SLC67A1: variants seen among roughly 807,000 people sequenced by gnomAD.
SLC67A1 encodes solute carrier family 67 member 1, also known as solute carrier family 67 member A1.
chr11:2,909,544 C>T, the SLC67A1 span: 4 of 1,512,250 alleles, frequency 2.6e-6, no homozygotes, highest in Non-Finnish European at 3.5e-6. Context: ...CACCGAGGGG[C>T]TTTCGCCGCT....
At chr11:2,917,174 G>T in the SLC67A1 span, among the ~76,000 whole-genome samples, 1 of 152,208 alleles carries the variant, frequency 6.6e-6, no homozygotes, top group Non-Finnish European at 1.5e-5. Flanking sequence ...GAGGGCAGAG[G>T]ATGGTCAGGC....
At chr11:2,903,792 C>T in the SLC67A1 span, 22 of 413,860 alleles carry the variant, frequency 5.3e-5, no homozygotes, top group Middle Eastern at 2.1e-3. Flanking sequence ...TCCTGCCTCT[C>T]ACCCGGCAGC....
the SLC67A1 span, among the ~76,000 whole-genome samples, chr11:2,910,299 G>A: frequency 6.6e-6 from 1 of 152,144 alleles, no homozygotes; most frequent in African/African-American, 2.4e-5. Context: ...AGAATACAGC[G>A]GCAGACAACA....
chr11:2,900,151 C>T, the SLC67A1 span, among the ~76,000 whole-genome samples: 1 of 152,062 alleles, frequency 6.6e-6, no homozygotes, highest in East Asian at 1.9e-4. Context: ...TGCACTCTCC[C>T]CAAGTCCCCA....
chr11:2,904,874 C>T, the SLC67A1 span, among the ~76,000 whole-genome samples: 2 of 152,156 alleles, frequency 1.3e-5, no homozygotes, highest in Non-Finnish European at 2.9e-5. Context: ...CGGTTGAGGC[C>T]AGAATGGGAC....
chr11:2,907,368 T>C, the SLC67A1 span, among the ~76,000 whole-genome samples: 1 of 152,222 alleles, frequency 6.6e-6, no homozygotes, highest in Admixed American at 6.5e-5. This position sits in a 1 kb window ranked among gnomAD's most constrained non-coding sequence, Gnocchi z 6.7. Context: ...GGGAGGATCC[T>C]TCCCACCTCT....
the SLC67A1 span, chr11:2,915,369 T>C: frequency 5.2e-5 from 24 of 463,440 alleles, no homozygotes; most frequent in Non-Finnish European, 6.0e-5. Context: ...CATGGTGGCC[T>C]GTGGCTGGCC....
chr11:2,922,261 T>C, the SLC67A1 span: 1 of 1,548,894 alleles, frequency 6.5e-7, no homozygotes, highest in Non-Finnish European at 8.9e-7. Flanking sequence ...CAAGGCCACC[T>C]GGGCGGTACC....
the SLC67A1 span, chr11:2,909,273 C>T: frequency 6.5e-7 from 1 of 1,535,054 alleles, no homozygotes; most frequent in South Asian, 1.2e-5. Context: ...CTGCTCCTGG[C>T]GGCCGCCTCC....
At chr11:2,901,310 GC>G in the SLC67A1 span, among the ~76,000 whole-genome samples, 44 of 152,226 alleles carry the variant, frequency 2.9e-4, no homozygotes, top group Non-Finnish European at 5.6e-4. Flanking sequence ...CCTGGCTCTG[GC>G]CCCCCTGCCC....
the SLC67A1 span, chr11:2,916,657 C>A: frequency 3.4e-5 from 55 of 1,612,662 alleles, no homozygotes; most frequent in Non-Finnish European, 4.0e-5. Context: ...GCCCTGGCCA[C>A]CCTCCTGGGA....
At chr11:2,915,284 T>C in the SLC67A1 span, 1 of 941,920 alleles carries the variant, frequency 1.1e-6, no homozygotes, top group Non-Finnish European at 1.3e-6. Flanking sequence ...TTTGCCCGTG[T>C]GTGTGTGTGT....
chr11:2,911,466 AC>A, the SLC67A1 span, among the ~76,000 whole-genome samples: 2 of 151,912 alleles, frequency 1.3e-5, no homozygotes, highest in African/African-American at 4.8e-5. Flanking sequence ...AGCCGGCACC[AC>A]CCAGGGCCTG....
chr11:2,913,896 C>T, the SLC67A1 span, among the ~76,000 whole-genome samples: 7 of 152,158 alleles, frequency 4.6e-5, no homozygotes, highest in African/African-American at 1.2e-4. Flanking sequence ...TTCCTGGAGA[C>T]GCGATTGAAA....
the SLC67A1 span, chr11:2,914,986 G>A: frequency 4.1e-6 from 4 of 985,440 alleles, no homozygotes; most frequent in Non-Finnish European, 4.8e-6. Context: ...GCCCATTCGT[G>A]CGGAACCCCA....
chr11:2,907,946 G>A, the SLC67A1 span, among the ~76,000 whole-genome samples: 1 of 152,186 alleles, frequency 6.6e-6, no homozygotes, highest in Non-Finnish European at 1.5e-5. This position sits in a 1 kb window ranked among gnomAD's most constrained non-coding sequence, Gnocchi z 6.7. Flanking sequence ...AAATGGTGGG[G>A]GTCAGGTGCC....
the SLC67A1 span, chr11:2,909,852 T>C: frequency 1.0e-6 from 1 of 952,650 alleles, no homozygotes; most frequent in Non-Finnish European, 1.5e-6. Context: ...TGGGGACGTC[T>C]GGCCCCGCGC....
the SLC67A1 span, chr11:2,903,092 G>A: frequency 1.1e-5 from 8 of 742,850 alleles, no homozygotes; most frequent in Non-Finnish European, 1.5e-5. Flanking sequence ...GGGAGGCTGT[G>A]TGCCTGGAGA....
the SLC67A1 span, chr11:2,919,591 G>A: frequency 8.5e-6 from 5 of 588,858 alleles, no homozygotes; most frequent in Admixed American, 3.0e-5. Context: ...GCAGTGGTGG[G>A]CACGCTGTGA....
Sources: allele counts gnomAD v4.1 joint callset (sites outside exome capture counted in the v4.1 genomes callset), GRCh38; gene constraint gnomAD v4.1.1; non-coding constraint Gnocchi (gnomAD v3.1); transcripts MANE v1.5; gene names NCBI Gene and HGNC (gene_info 2026-07-23, HGNC 2026-07-21).